CASD1: variants seen among roughly 807,000 people sequenced by gnomAD.
CASD1 encodes CAS1 domain sialic acid O acetyltransferase 1.
CASD1 carries 41 observed loss-of-function variants against 100.0 expected under a neutral mutation model. The ratio of observed to expected loss-of-function variants is 0.41; its 90% CI spans 0.32 to 0.53. CASD1 has a LOEUF of 0.53. Ranked by LOEUF, CASD1 falls within the 20% of genes least tolerant of loss-of-function variation. The pLI, the probability that CASD1 is intolerant of heterozygous loss-of-function variation, is 0.25. For missense variants in CASD1, 774 were observed against 948.7 expected (o/e 0.82, Z 2.42); for synonymous variants, 321 against 315.6 (o/e 1.02, Z -0.18).
Position 94,518,396 on chromosome 7 carries a change from T to C in CASD1, c.351+73T>C, listed in dbSNP as rs570303993. The stretch of plus-strand genomic sequence containing the variant: ...ACTGAATAGTTACAGGAGGAGTGTG[T>C]CTCTCCAGATTGAGTAGGAGCTGAA... On this transcript the variant is annotated intron_variant, in intron 3 of 17. Coordinates refer to ENST00000297273, the MANE Select transcript of CASD1 (RefSeq NM_022900.5). The C allele has an allele frequency of 9.1e-6, 12 of 1,317,488 alleles. No homozygotes were observed. In the African/African-American group the frequency reaches 1.4e-4, roughly 15 times the overall value. 81.6% of individuals were successfully genotyped at this position (1,317,488 alleles called of 1,614,324 possible).
chr7:94,535,439 G>A lies in CASD1; in HGVS notation c.759G>A (p.Met253Ile), dbSNP rs1340674663. Residue 253 changes from methionine to isoleucine, a missense_variant, in exon 8 of 18, where the codon ATG (methionine) becomes ATA (isoleucine). By Grantham distance (10) the Met-to-Ile change is conservative (BLOSUM62 1). This residue lies in a region of CASD1 where 453 missense variants were observed against 532.6 expected (regional missense o/e 0.85). Coordinates refer to ENST00000297273, the MANE Select transcript of CASD1 (RefSeq NM_022900.5). ...GAAATTCTAAATCAAATGTTAAGATGTTCAGTGTTTCCAAATTAATTGCTC... is the reference window on the plus strand; with the variant it reads ...GAAATTCTAAATCAAATGTTAAGATATTCAGTGTTTCCAAATTAATTGCTC... ...STRNSKSNVK[M>I]FSVSKLIAQE... 1 of 1,613,440 alleles carries A rather than the reference G, an allele frequency of 6.2e-7. No individual in the cohort carries two copies. Among genetic ancestry groups the A allele is most frequent in the South Asian group, 1.1e-5 (1 of 91,082 alleles).
chr7:94,620,687 T>C, the CASD1 span: 1 of 152,252 alleles, frequency 6.6e-6, no homozygotes, highest in Non-Finnish European at 1.5e-5. Context: ...TCTAAAACTT[T>C]TTTCTTATGA....
At chr7:94,623,269 A>AT in the CASD1 span, 1 of 1,102,604 alleles carries the variant, frequency 9.1e-7, no homozygotes, top group East Asian at 2.6e-5. Flanking sequence ...GTAGTTATAA[A>AT]ACATAATGAA....
the CASD1 span, chr7:94,629,923 A>G: frequency 1.3e-6 from 2 of 1,518,234 alleles, no homozygotes; most frequent in Admixed American, 1.7e-5. Flanking sequence ...GCTGTTTATA[A>G]AGAGGGGTCT....
the CASD1 span, among the ~76,000 whole-genome samples, chr7:94,583,699 C>CA: frequency 2.0e-5 from 3 of 152,150 alleles, no homozygotes; most frequent in Non-Finnish European, 4.4e-5. Context: ...AGAACCACTA[C>CA]AGTCAGTATT....
the CASD1 span, among the ~76,000 whole-genome samples, chr7:94,610,455 T>C: frequency 3.9e-5 from 6 of 152,156 alleles, no homozygotes; most frequent in African/African-American, 1.4e-4. Flanking sequence ...GCAAAAGCAA[T>C]CTCTGCACCT....
At chr7:94,551,708 A>G (rs1350267177) in intron 15 of CASD1, 1 of 198,242 alleles carries the variant, frequency 5.0e-6, no homozygotes, top group Non-Finnish European at 1.0e-5. Context: ...ATGTTAGAAT[A>G]GTTAGGTAAG....
intron 16 of CASD1, 188 bp from the exon 17 acceptor site, chr7:94,554,295 A>G (rs1174243203): frequency 4.2e-6 from 2 of 473,680 alleles, no homozygotes; most frequent in Non-Finnish European, 7.5e-6. Context: ...CCATGTGTTG[A>G]GAAATCCAGT....
At chr7:94,548,867 A>G (rs1795809163) in intron 13 of CASD1, among the ~76,000 whole-genome samples, 1 of 151,908 alleles carries the variant, frequency 6.6e-6, no homozygotes, top group Non-Finnish European at 1.5e-5. Context: ...TACCCAAGAC[A>G]TCTGCCCCTT....
At chr7:94,557,757 A>G (rs1278954677), downstream of CASD1, among the ~76,000 whole-genome samples, 2 of 151,726 alleles carry the variant, frequency 1.3e-5, no homozygotes, top group South Asian at 2.1e-4. Context: ...ATATAATTAT[A>G]TAATAATCTG....
chr7:94,576,307 A>G, the CASD1 span, among the ~76,000 whole-genome samples: 2 of 152,152 alleles, frequency 1.3e-5, no homozygotes, highest in African/African-American at 4.8e-5. Flanking sequence ...CAAATCTTAC[A>G]CATTTCAAAG....
Position 94,533,210 on chromosome 7 carries a change from C to T in CASD1, c.465C>T (p.Ser155=). 6 of 1,606,302 alleles carry T rather than the reference C, an allele frequency of 3.7e-6. No homozygotes were observed. Among genetic ancestry groups the T allele is most frequent in the Non-Finnish European group, 5.1e-6 (6 of 1,174,788 alleles). Residue 155 remains serine, a synonymous_variant, in exon 6 of 18, where the codon TCC becomes TCT. Coordinates refer to ENST00000297273, the MANE Select transcript of CASD1 (RefSeq NM_022900.5). ...AAAGATTTGTCTTCCTTTAGGATTC[C>T]ATTGCAAAGCCACATGTGATTGTAG... is the stretch of plus-strand genomic sequence containing the variant. ...KQCIKVWTED[S]IAKPHVIVAG... is the part of the protein sequence containing the mutation.
the CASD1 span, chr7:94,597,976 C>T: frequency 2.4e-4 from 40 of 165,732 alleles, no homozygotes; most frequent in East Asian, 3.2e-3. Flanking sequence ...CATTGCACTC[C>T]AGCCTGGGCA....
Position 94,538,975 on chromosome 7 carries a change from A to G in CASD1, c.1275A>G (p.Val425=), listed in dbSNP as rs1795253278. The change falls in exon 10 of 18, where the codon GTA becomes GTG. Residue 425 remains valine (V), a synonymous_variant. Coordinates refer to ENST00000297273, the MANE Select transcript of CASD1 (RefSeq NM_022900.5). ...TTGGTTCCTTTACACAGACTAAAGT[A>G]TTAAATAGAGAACAAACAGACGAAT... ...FYNENTKETK[V]LNREQTDEWK... The G allele has an allele frequency of 6.3e-7, 1 of 1,594,070 alleles. No individual in the cohort carries two copies. Among genetic ancestry groups the G allele is most frequent in the Non-Finnish European group, 8.6e-7 (1 of 1,163,254 alleles).
the CASD1 span, chr7:94,622,295 T>C: frequency 1.3e-5 from 2 of 151,914 alleles, no homozygotes; most frequent in African/African-American, 2.4e-5. Flanking sequence ...TTCTCATAAA[T>C]GATATCTAAC....
intron 17 of CASD1, 95 bp from the exon 18 acceptor site, chr7:94,555,397 A>G: frequency 8.0e-7 from 1 of 1,242,330 alleles, no homozygotes; most frequent in Non-Finnish European, 1.1e-6. Context: ...AAGCCTTCTA[A>G]TGTTATTATG....
chr7:94,573,521 C>G, the CASD1 span, among the ~76,000 whole-genome samples: 6 of 152,066 alleles, frequency 3.9e-5, no homozygotes, highest in South Asian at 1.2e-3. Context: ...TGATTTGGCT[C>G]CTGGCTTGGC....
the CASD1 span, chr7:94,629,701 T>C: frequency 4.3e-6 from 7 of 1,610,508 alleles, no homozygotes; most frequent in South Asian, 1.1e-5. Context: ...TGCTTTTTTT[T>C]CCTCACAAAG....
chr7:94,527,102 G>A (rs939450012), intron 3 of CASD1, 60 bp from the exon 4 acceptor site: 3 of 1,265,464 alleles, frequency 2.4e-6, no homozygotes, highest in African/African-American at 1.5e-5. Context: ...AGCTAAATGG[G>A]GCATTTTTTA....
Sources: gnomAD v4.1 joint callset for allele counts (sites outside exome capture counted in the v4.1 genomes callset) on GRCh38, gnomAD v4.1.1 for gene constraint, gnomAD v4.1.1 regional missense constraint, MANE v1.5 for transcripts, NCBI Gene and HGNC (gene_info 2026-07-23, HGNC 2026-07-21) for gene names.